Variants in FBXL13 observed in about 807,000 individuals in gnomAD.
FBXL13 encodes the protein F-box and leucine rich repeat protein 13, also known as F-box and leucine-rich repeat protein 13.
Under a neutral mutation model 83.6 loss-of-function variants are expected in FBXL13, and 67 were observed. The ratio of observed to expected loss-of-function variants is 0.80; its 90% confidence interval spans 0.66 to 0.98. The LOEUF (loss-of-function observed/expected upper bound fraction) is 0.98, where lower values mean the gene tolerates loss of function less well. Ranked by LOEUF, FBXL13 falls within the 50% of genes least tolerant of loss-of-function variation. FBXL13 has a pLI of 0.00. For synonymous variants in FBXL13, 272 were observed against 299.5 expected (o/e 0.91, Z 0.95); for missense variants, 822 against 866.5 (o/e 0.95, Z 0.64).
chr7:103,059,881 AT>A (rs1207069145), intron 1 of FBXL13, among the ~76,000 whole-genome samples: 2 of 151,700 alleles, frequency 1.3e-5, no homozygotes, highest in African/African-American at 4.8e-5. Context: ...CCATTGACAA[AT>A]TACGTCTGTT....
chr7:103,063,285 T>C (rs966304190), intron 1 of FBXL13, among the ~76,000 whole-genome samples: 16 of 152,250 alleles, frequency 1.1e-4, no homozygotes, highest in Non-Finnish European at 2.1e-4. Flanking sequence ...ACAGAATGTT[T>C]CCTCTTGTCA....
At chr7:103,004,656 C>G (rs1390421586) in intron 6 of FBXL13, among the ~76,000 whole-genome samples, 1 of 152,144 alleles carries the variant, frequency 6.6e-6, no homozygotes, top group Non-Finnish European at 1.5e-5. Flanking sequence ...TTCACTTTTT[C>G]CAGTGTGGAA....
chr7:102,898,942 A>T (rs528598975), intron 11 of FBXL13, among the ~76,000 whole-genome samples: 47 of 151,912 alleles, frequency 3.1e-4, no homozygotes, highest in Non-Finnish European at 5.3e-4. Context: ...TTTGAGACAG[A>T]GTCTCACTCT....
chr7:102,919,980 G>A (rs887831249), intron 10 of FBXL13, among the ~76,000 whole-genome samples: 6 of 152,120 alleles, frequency 3.9e-5, no homozygotes, highest in African/African-American at 1.2e-4. Flanking sequence ...ACTACAATTC[G>A]ATATTAAAAA....
chr7:103,013,865 A>C (rs1791935660), intron 6 of FBXL13, among the ~76,000 whole-genome samples: 1 of 152,150 alleles, frequency 6.6e-6, no homozygotes. Flanking sequence ...CTTTGAAAGA[A>C]GTAATAATAC....
chr7:102,966,730 GTGTTCACA>G (rs888837489), intron 7 of FBXL13, among the ~76,000 whole-genome samples: 2 of 152,186 alleles, frequency 1.3e-5, no homozygotes, highest in Non-Finnish European at 2.9e-5. Flanking sequence ...GCTTTTGTGA[GTGTTCACA>G]TGTGGCACAA....
intron 6 of FBXL13, among the ~76,000 whole-genome samples, chr7:103,004,662 T>C (rs1456263717): frequency 2.6e-5 from 4 of 152,142 alleles, no homozygotes; most frequent in African/African-American, 9.7e-5. Flanking sequence ...TTTTCCAGTG[T>C]GGAAATTGAG....
chr7:102,838,759 G>A (rs190881311), intron 17 of FBXL13, among the ~76,000 whole-genome samples: 6 of 152,196 alleles, frequency 3.9e-5, no homozygotes, highest in South Asian at 2.1e-4. Flanking sequence ...AAAAGTCATC[G>A]CCATTCTGCA....
chr7:102,821,621 T>C (rs768876287), intron 19 of FBXL13, among the ~76,000 whole-genome samples: 4 of 152,224 alleles, frequency 2.6e-5, no homozygotes, highest in Non-Finnish European at 5.9e-5. Flanking sequence ...ATTTTAAGCA[T>C]TTCATATGTT....
At chr7:102,896,780 T>TTA (rs2129462925) in intron 11 of FBXL13, among the ~76,000 whole-genome samples, 1 of 152,330 alleles carries the variant, frequency 6.6e-6, no homozygotes, top group East Asian at 1.9e-4. Flanking sequence ...CTAAATGACC[T>TTA]CATCTGAATT....
At chr7:103,068,055 AT>A (rs1798561081) in intron 1 of FBXL13, among the ~76,000 whole-genome samples, 2 of 152,204 alleles carry the variant, frequency 1.3e-5, no homozygotes, top group Non-Finnish European at 2.9e-5. Context: ...TGGTACAGCA[AT>A]TTAGGATAAA....
intron 19 of FBXL13, among the ~76,000 whole-genome samples, chr7:102,813,917 A>G (rs1797644824): frequency 1.3e-5 from 2 of 152,274 alleles, no homozygotes; most frequent in Non-Finnish European, 1.5e-5. Flanking sequence ...GCACCAGGCC[A>G]GGAGCTCTTA....
chr7:102,943,611 C>T (rs562458963), intron 8 of FBXL13, among the ~76,000 whole-genome samples: 5 of 152,300 alleles, frequency 3.3e-5, no homozygotes, highest in South Asian at 4.1e-4. Flanking sequence ...CACTAAGAGA[C>T]TGCAAAGACT....
At chr7:102,829,042 G>A (rs1416478639) in intron 18 of FBXL13, among the ~76,000 whole-genome samples, 1 of 152,274 alleles carries the variant, frequency 6.6e-6, no homozygotes, top group African/African-American at 2.4e-5. Flanking sequence ...CTCTGTTCCA[G>A]TTCCCCCTAG....
intron 19 of FBXL13, among the ~76,000 whole-genome samples, chr7:102,818,979 T>C (rs556637132): frequency 6.6e-6 from 1 of 152,196 alleles, no homozygotes; most frequent in Admixed American, 6.5e-5. Flanking sequence ...CAGGCCCCAG[T>C]GTGTGTTGTT....
At chr7:103,016,057 A>C (rs912468592) in intron 6 of FBXL13, among the ~76,000 whole-genome samples, 1 of 152,194 alleles carries the variant, frequency 6.6e-6, no homozygotes, top group African/African-American at 2.4e-5. Context: ...GATAGGAAGA[A>C]TCAATATTGT....
chr7:102,958,670 T>C (rs958809852), intron 8 of FBXL13, among the ~76,000 whole-genome samples: 11 of 152,156 alleles, frequency 7.2e-5, no homozygotes, highest in Admixed American at 2.0e-4. Flanking sequence ...TGGTTAAAAA[T>C]GGCAGACTAA....
chr7:103,021,695 A>G (rs1245718290), intron 6 of FBXL13, among the ~76,000 whole-genome samples: 1 of 152,238 alleles, frequency 6.6e-6, no homozygotes, highest in Non-Finnish European at 1.5e-5. Flanking sequence ...CACTTCTCAA[A>G]AGAAGACATT....
chr7:102,885,052 T>A (rs559861743), intron 11 of FBXL13, among the ~76,000 whole-genome samples: 1 of 152,248 alleles, frequency 6.6e-6, no homozygotes, highest in African/African-American at 2.4e-5. Context: ...TTAATGGGTA[T>A]GTGGATTGTT....
Sources: gnomAD v4.1 joint callset for allele counts (sites outside exome capture counted in the v4.1 genomes callset) on GRCh38, gnomAD v4.1.1 for gene constraint, MANE v1.5 for transcripts, NCBI Gene and HGNC (gene_info 2026-07-23, HGNC 2026-07-21) for gene names.